The following SLIT1 variants were observed in gnomAD, a reference collection of about 807,000 sequenced individuals.
SLIT1 encodes the protein slit guidance ligand 1.
A neutral mutation model predicts 186.1 loss-of-function variants in SLIT1; 66 were observed. The ratio of observed to expected loss-of-function variants is 0.35; its 90% confidence interval spans 0.29 to 0.44. SLIT1 has a LOEUF of 0.44. Ranked by LOEUF, SLIT1 falls within the 20% of genes least tolerant of loss-of-function variation. The probability of loss-of-function intolerance (pLI) is 1.00; values close to 1 mark genes in which losing one functional copy is unlikely to be tolerated. For missense variants in SLIT1, 1,638 were observed against 2,037.4 expected (o/e 0.80, Z 3.77); for synonymous variants, 761 against 833.8 (o/e 0.91, Z 1.50).
At chr10:97,159,823 C>T (rs1179014906) in intron 3 of SLIT1, among the ~76,000 whole-genome samples, 1 of 152,194 alleles carries the variant, frequency 6.6e-6, no homozygotes, top group Non-Finnish European at 1.5e-5. Context: ...GTGCCCTCAC[C>T]CTCCTGACTC....
At chr10:97,129,008 CTCGGACTGAA>C (rs1406504516) in intron 4 of SLIT1, among the ~76,000 whole-genome samples, 1 of 152,140 alleles carries the variant, frequency 6.6e-6, no homozygotes, top group Non-Finnish European at 1.5e-5. Context: ...CAAAGTGAGG[CTCGGACTGAA>C]TCCATTCAGT....
At chr10:97,131,011 A>T (rs1849648751) in intron 4 of SLIT1, among the ~76,000 whole-genome samples, 1 of 152,206 alleles carries the variant, frequency 6.6e-6, no homozygotes, top group South Asian at 2.1e-4. Context: ...AATCTTGGTC[A>T]TGAAACTGTG....
chr10:96,998,276 A>AAAAT lies in SLIT1; in HGVS notation c.*2832_*2835dup, dbSNP rs1314373880. ...CTTTAACATATAAAAATACTGTAAC[A>AAAAT]AAATGAAATACAAATATATATTAGA... On this transcript the variant is annotated 3_prime_UTR_variant, in exon 37 of 37. Transcript: ENST00000266058. 1.3e-5 allele frequency: 2 copies of AAAAT among 152,250 alleles called. No individual in the cohort carries two copies. The highest frequency in any genetic ancestry group is 2.9e-5 in the Non-Finnish European group (2 of 68,044). The allele number at this position is 152,250 out of a possible 1,614,324, so 9.4% of individuals were successfully genotyped here. A position where few individuals can be genotyped will look rare whatever the true frequency, so the allele number is the denominator to read the frequency against.
intron 1 of SLIT1, among the ~76,000 whole-genome samples, chr10:97,170,710 G>T (rs1459095791): frequency 4.6e-5 from 7 of 152,256 alleles, no homozygotes; most frequent in African/African-American, 1.4e-4. Flanking sequence ...TAGCCTGAAA[G>T]GAAAACCTCG....
intron 3 of SLIT1, among the ~76,000 whole-genome samples, chr10:97,158,430 G>C (rs541276173): frequency 6.6e-5 from 10 of 152,242 alleles, no homozygotes; most frequent in African/African-American, 2.4e-4. Context: ...GGGAGGCCGA[G>C]GCGGGCGGAT....
At chr10:97,089,641 C>T (rs139619546) in intron 4 of SLIT1, among the ~76,000 whole-genome samples, 145 of 151,966 alleles carry the variant, frequency 9.5e-4, no homozygotes, top group African/African-American at 3.3e-3. Flanking sequence ...CCCTGTGAGG[C>T]GGTGGAAGGT....
Position 97,047,954 on chromosome 10 carries a change from G to A in SLIT1, c.1489+19C>T, listed in dbSNP as rs773139808. ...CACCATTCCCGCCAGGCTGGCCTTG[G>A]ATCCCCCCACTCTCCTACCTGGAAT... On this transcript the variant is annotated intron_variant, in intron 15 of 36. Transcript: ENST00000266058. The A allele has an allele frequency of 6.2e-7, 1 of 1,614,018 alleles. No individual in the cohort carries two copies. The highest frequency in any genetic ancestry group is 1.1e-5 in the South Asian group (1 of 91,080).
In SLIT1 at chr10:97,177,174, C is replaced by T. The variant is rs117975804; in HGVS notation, c.197+8304G>A. Among the ~76,000 whole-genome samples, 190 of 152,292 alleles carry T rather than the reference C, an allele frequency of 1.2e-3. 1 individual carries two copies. In the East Asian group the frequency reaches 0.033, roughly 26 times the overall value. ...TAGGTTGAAGCGCTTCCCCTGAGGT[C>T]CCCCCATCTCTCTCTCCAACCTGAA... On this transcript the variant is annotated intron_variant, in intron 1 of 36. Transcript: ENST00000266058.
At chr10:97,017,960 T>C (rs896345890) in intron 28 of SLIT1, among the ~76,000 whole-genome samples, 4 of 151,776 alleles carry the variant, frequency 2.6e-5, no homozygotes, top group African/African-American at 9.7e-5. Flanking sequence ...GCGATTCTCC[T>C]GCCTCAGCCT....
chr10:97,164,008 C>T lies in SLIT1; in HGVS notation c.270-557G>A, dbSNP rs147578478. ...ACACCCTGTCTCCCTGTACCCCCAC[C>T]CTGCCTGGCCCCATCTGCTGAAGAA... On this transcript the variant is annotated intron_variant, in intron 2 of 36. Transcript: ENST00000266058. 3.8e-3 allele frequency among the ~76,000 whole-genome samples: 581 copies of T among 152,352 alleles called. 4 individuals carry two copies. The highest frequency in any genetic ancestry group is 4.8e-3 in the Non-Finnish European group (326 of 68,030).
intron 4 of SLIT1, among the ~76,000 whole-genome samples, chr10:97,087,049 TTTACTGTG>T (rs1849167640): frequency 6.6e-6 from 1 of 151,484 alleles, no homozygotes; most frequent in Admixed American, 6.6e-5. Flanking sequence ...TCTGCCCAAT[TTTACTGTG>T]AACCTAAAAC....
intron 4 of SLIT1, among the ~76,000 whole-genome samples, chr10:97,098,266 C>G (rs1363486993): frequency 2.6e-5 from 4 of 152,176 alleles, no homozygotes. Context: ...ATGGGCCGGA[C>G]ATGTGCTGAG....
At chr10:97,020,662 C>G (rs182795231) in intron 26 of SLIT1, among the ~76,000 whole-genome samples, 82 of 152,382 alleles carry the variant, frequency 5.4e-4, no homozygotes, top group East Asian at 1.9e-4. Flanking sequence ...TGTCCTCCCC[C>G]CGCTGTACCC....
intron 1 of SLIT1, among the ~76,000 whole-genome samples, chr10:97,173,031 C>G (rs940913331): frequency 1.3e-5 from 2 of 152,210 alleles, no homozygotes; most frequent in African/African-American, 2.4e-5. Flanking sequence ...AAGCTCCACA[C>G]GCAGAGGATG....
At chr10:97,025,062 G>A (rs1226824482) in intron 25 of SLIT1, among the ~76,000 whole-genome samples, 1 of 152,220 alleles carries the variant, frequency 6.6e-6, no homozygotes, top group Non-Finnish European at 1.5e-5. Context: ...CTGAGGTCAG[G>A]AGTTCAAGAC....
At position 97,184,657 on chromosome 10, in the gene SLIT1, A is replaced by G. The variant is rs1201623156; in HGVS notation, c.197+821T>C. Among the ~76,000 whole-genome samples, 1 of 152,336 alleles carries G rather than the reference A, an allele frequency of 6.6e-6. No individual in the cohort carries two copies. Reference sequence around the variant, plus strand: ...AAGGATCAAGTTTCCTCAAGAATTCACAAGTGAGACAGAACAGGGGAAGAG... The same window carrying G: ...AAGGATCAAGTTTCCTCAAGAATTCGCAAGTGAGACAGAACAGGGGAAGAG... On this transcript the variant is annotated intron_variant, in intron 1 of 36. Coordinates refer to ENST00000266058, the MANE Select transcript of SLIT1 (RefSeq NM_003061.3). The surrounding 1 kb of genome is among the most constrained non-coding windows in gnomAD (Gnocchi z 4.4).
At chr10:97,020,881 C>G (rs1368437323) in intron 26 of SLIT1, among the ~76,000 whole-genome samples, 6 of 152,252 alleles carry the variant, frequency 3.9e-5, no homozygotes, top group Non-Finnish European at 7.3e-5. Context: ...TGCTGGGACC[C>G]TTGCTCCACC....
At chr10:97,140,173 G>T (rs984902285) in intron 4 of SLIT1, among the ~76,000 whole-genome samples, 2 of 152,062 alleles carry the variant, frequency 1.3e-5, no homozygotes. Context: ...CCCTGCCAAG[G>T]CGGGTGTCTC....
At position 97,021,234 on chromosome 10, in the gene SLIT1, G is replaced by A. The variant is rs778562585; in HGVS notation, c.2746+16C>T. ...TGTGAGCCCCCAGCAGCAGGAGGCTGTGCTCCTAGGCTCACCTTGGCATTC... is the reference window on the plus strand; with the variant it reads ...TGTGAGCCCCCAGCAGCAGGAGGCTATGCTCCTAGGCTCACCTTGGCATTC... On this transcript the variant is annotated intron_variant, in intron 26 of 36. Transcript: ENST00000266058. This position sits in a 1 kb window ranked among gnomAD's most constrained non-coding sequence, Gnocchi z 4.5. The A allele has an allele frequency of 1.2e-6, 2 of 1,610,882 alleles. No homozygotes were observed. Among genetic ancestry groups the A allele is most frequent in the East Asian group, 2.2e-5 (1 of 44,850 alleles).
Sources: allele counts gnomAD v4.1 joint callset (sites outside exome capture counted in the v4.1 genomes callset), GRCh38; gene constraint gnomAD v4.1.1; non-coding constraint Gnocchi (gnomAD v3.1); transcripts MANE v1.5; gene names NCBI Gene and HGNC (gene_info 2026-07-23, HGNC 2026-07-21).